Variants in OTUD7A observed in about 807,000 individuals in gnomAD.
The protein encoded by OTUD7A is OTU domain-containing protein 7A.
Under a neutral mutation model 65.7 loss-of-function variants are expected in OTUD7A, and 12 were observed. The observed-to-expected ratio is 0.18, with a 90% CI of 0.12 to 0.30. The LOEUF is 0.30. Ranked by LOEUF, OTUD7A falls within the 10% of genes least tolerant of loss-of-function variation. The pLI, the probability that OTUD7A is intolerant of heterozygous loss-of-function variation, is 1.00. For missense variants in OTUD7A, 1,148 were observed against 1,304.8 expected, an observed-to-expected ratio of 0.88 and a Z score of 1.85; for synonymous variants, 641 against 586.3, an observed-to-expected ratio of 1.09 and a Z score of -1.35.
At chr15:31,766,904 C>A in intron 1 of OTUD7A, 1 of 1,609,758 alleles carries the variant, frequency 6.2e-7, no homozygotes, top group Non-Finnish European at 8.5e-7. Context: ...GACACATCTA[C>A]AATTCCTTCC....
chr15:31,574,841 T>C (rs543173108), intron 3 of OTUD7A, among the ~76,000 whole-genome samples: 2 of 152,096 alleles, frequency 1.3e-5, no homozygotes, highest in Non-Finnish European at 2.9e-5. Flanking sequence ...CAGCCTTTCC[T>C]ACACTGCAGG....
intron 1 of OTUD7A, among the ~76,000 whole-genome samples, chr15:31,811,857 C>A (rs1372383661): frequency 6.6e-6 from 1 of 152,204 alleles, no homozygotes; most frequent in African/African-American, 2.4e-5. Context: ...TCCTATCAGC[C>A]TTTCAGAGCT....
rs141948021 is a variant in OTUD7A at position 31,751,822 on chromosome 15, T to C, written c.-99-94745A>G. Among the ~76,000 whole-genome samples, 755 of 152,114 alleles carry C rather than the reference T, an allele frequency of 5.0e-3. 12 individuals carry two copies. Among genetic ancestry groups the C allele is most frequent in the South Asian group, 0.021 (100 of 4,810 alleles). On this transcript the variant is annotated intron_variant, in intron 1 of 12. Coordinates refer to ENST00000307050, the MANE Select transcript of OTUD7A (RefSeq NM_001382637.1). Reference sequence around the variant, plus strand: ...TGCAATTAACACAGAAAACCAAATATTGTATGTGAGAGCTAAATATTGGGT... The same window carrying C: ...TGCAATTAACACAGAAAACCAAATACTGTATGTGAGAGCTAAATATTGGGT...
At chr15:31,609,677 C>T (rs569080987) in intron 3 of OTUD7A, among the ~76,000 whole-genome samples, 1 of 152,258 alleles carries the variant, frequency 6.6e-6, no homozygotes, top group Non-Finnish European at 1.5e-5. Flanking sequence ...CTTGGGAGTT[C>T]TAGGGTCCCA....
intron 1 of OTUD7A, among the ~76,000 whole-genome samples, chr15:31,838,290 AAAAC>A (rs1202383046): frequency 4.6e-5 from 7 of 152,236 alleles, no homozygotes; most frequent in African/African-American, 7.2e-5. Flanking sequence ...GCAACATTTA[AAAAC>A]AAACAATAAC....
At chr15:31,860,932 G>A (rs900214148) in intron 1 of OTUD7A, among the ~76,000 whole-genome samples, 6 of 145,748 alleles carry the variant, frequency 4.1e-5, no homozygotes, top group African/African-American at 1.3e-4. Context: ...TGTTAGGCAG[G>A]ATGGTCTCGA....
At chr15:31,685,866 G>A (rs1892824668) in intron 1 of OTUD7A, among the ~76,000 whole-genome samples, 1 of 152,316 alleles carries the variant, frequency 6.6e-6, no homozygotes, top group Admixed American at 6.5e-5. Context: ...TGGGTTCCTG[G>A]CCTTCTCTTG....
At position 31,821,056 on chromosome 15, in the gene OTUD7A, G is replaced by A. The variant is rs1034045678; in HGVS notation, c.-100+49451C>T. ...ATATAAATGCAATCATATAATATGGGGTCTTTTGTGACTGGCTCCTTTTGC... is the reference window on the plus strand; with the variant it reads ...ATATAAATGCAATCATATAATATGGAGTCTTTTGTGACTGGCTCCTTTTGC... On this transcript the variant is annotated intron_variant, in intron 1 of 12. Coordinates refer to ENST00000307050, the MANE Select transcript of OTUD7A (RefSeq NM_001382637.1). Among the ~76,000 whole-genome samples, 6 of 151,832 alleles carry A rather than the reference G, an allele frequency of 4.0e-5. 1 individual carries two copies. Among genetic ancestry groups the A allele is most frequent in the African/African-American group, 1.2e-4 (5 of 41,344 alleles).
chr15:31,763,116 C>T (rs879105526), intron 1 of OTUD7A, among the ~76,000 whole-genome samples: 3 of 152,284 alleles, frequency 2.0e-5, no homozygotes, highest in Admixed American at 1.3e-4. Flanking sequence ...AACCCCATCT[C>T]TACTAAAAGT....
At chr15:31,843,054 A>G (rs1488759852) in intron 1 of OTUD7A, among the ~76,000 whole-genome samples, 1 of 151,908 alleles carries the variant, frequency 6.6e-6, no homozygotes, top group Non-Finnish European at 1.5e-5. Context: ...TCCCCATCCC[A>G]CAATAGAAAT....
chr15:31,517,899 G>A (rs1406833011), intron 8 of OTUD7A, among the ~76,000 whole-genome samples: 1 of 152,138 alleles, frequency 6.6e-6, no homozygotes, highest in Admixed American at 6.5e-5. Context: ...GCGTGTCATA[G>A]ATAAGGAAGC....
At chr15:31,757,699 C>G (rs571638807) in intron 1 of OTUD7A, among the ~76,000 whole-genome samples, 1 of 152,112 alleles carries the variant, frequency 6.6e-6, no homozygotes, top group Non-Finnish European at 1.5e-5. Flanking sequence ...AATGAAATGT[C>G]AATTACATTT....
At chr15:31,844,089 G>T (rs1374850589) in intron 1 of OTUD7A, among the ~76,000 whole-genome samples, 3 of 152,230 alleles carry the variant, frequency 2.0e-5, no homozygotes, top group African/African-American at 4.8e-5. Context: ...CAGGGGGAAA[G>T]AGTGAACTTT....
intron 1 of OTUD7A, among the ~76,000 whole-genome samples, chr15:31,661,754 T>G (rs1892170975): frequency 6.6e-6 from 1 of 152,228 alleles, no homozygotes; most frequent in East Asian, 1.9e-4. Context: ...ATATCCAGTG[T>G]GCAAATTTCC....
At chr15:31,527,388 G>A (rs1469540944) in intron 6 of OTUD7A, 80 bp from the exon 7 acceptor site, 12 of 1,526,754 alleles carry the variant, frequency 7.9e-6, no homozygotes, top group South Asian at 7.6e-5. Context: ...AAACTACCAC[G>A]ACCCACTGGG....
chr15:31,651,146 G>T (rs978978580), intron 3 of OTUD7A, among the ~76,000 whole-genome samples: 22 of 142,492 alleles, frequency 1.5e-4, no homozygotes, highest in Middle Eastern at 3.5e-3. Flanking sequence ...GAAAAAAAGG[G>T]CAGAACATAG....
At chr15:31,868,241 C>T (rs1897931127) in intron 1 of OTUD7A, among the ~76,000 whole-genome samples, 1 of 152,124 alleles carries the variant, frequency 6.6e-6, no homozygotes, top group Admixed American at 6.5e-5. Context: ...GGCTTTAAAG[C>T]GGTTGTTTTA....
At chr15:31,598,343 C>G (rs1220404558) in intron 3 of OTUD7A, among the ~76,000 whole-genome samples, 2 of 152,132 alleles carry the variant, frequency 1.3e-5, no homozygotes, top group East Asian at 3.9e-4. Flanking sequence ...GGGTGCAGCC[C>G]ACAGAGGGCG....
At chr15:31,815,246 C>T (rs1215096894) in intron 1 of OTUD7A, among the ~76,000 whole-genome samples, 1 of 149,822 alleles carries the variant, frequency 6.7e-6, no homozygotes, top group African/African-American at 2.4e-5. Flanking sequence ...GCAGCAATTA[C>T]ATACAGACCT....
Sources: gnomAD v4.1 joint callset for allele counts (sites outside exome capture counted in the v4.1 genomes callset) on GRCh38, gnomAD v4.1.1 for gene constraint, MANE v1.5 for transcripts, NCBI Gene and HGNC (gene_info 2026-07-23, HGNC 2026-07-21) for gene names.